TSC2: variants seen among roughly 807,000 people sequenced by gnomAD.
TSC2 encodes the protein TSC complex subunit 2.
A neutral mutation model predicts 202.2 loss-of-function variants in TSC2; 29 were observed. That is an observed-to-expected ratio of 0.14 (90% CI 0.11 to 0.20). The LOEUF (loss-of-function observed/expected upper bound fraction) is 0.20. TSC2 is among the 10% of genes least tolerant of loss of function. TSC2 has a pLI of 1.00. For synonymous variants in TSC2, 1,349 were observed against 1,044.0 expected (o/e 1.29, Z -5.63); for missense variants, 2,429 against 2,420.0 (o/e 1.00, Z -0.08).
At chr16:2,086,995 T>C (rs1003860254) in intron 38 of TSC2, 124 bp downstream of exon 38, 23 of 1,438,298 alleles carry the variant, frequency 1.6e-5, no homozygotes, top group Non-Finnish European at 2.2e-5. Flanking sequence ...GCCGCAGTGC[T>C]CAGGGCCCCG....
At position 2,088,637 on chromosome 16, in the gene TSC2, C is replaced by A; in HGVS notation, c.*27C>A. Reference sequence around the variant, plus strand: ...GCCGGGGCCCTCCCTCCTGCACTGGCCTTGGACGGTATTGCCTGTCAGTGA... The same window carrying A: ...GCCGGGGCCCTCCCTCCTGCACTGGACTTGGACGGTATTGCCTGTCAGTGA... On this transcript the variant is annotated 3_prime_UTR_variant, in exon 42 of 42. Coordinates refer to ENST00000219476, the MANE Select transcript of TSC2 (RefSeq NM_000548.5). 7 of 1,592,524 alleles carry A rather than the reference C, an allele frequency of 4.4e-6. No individual in the cohort carries two copies. The highest frequency in any genetic ancestry group is 1.7e-5 in the Admixed American group (1 of 58,756).
intron 7 of TSC2, 37 bp from the exon 8 acceptor site, chr16:2,056,607 G>C (rs1274760773): frequency 6.2e-7 from 1 of 1,603,630 alleles, no homozygotes; most frequent in Non-Finnish European, 8.5e-7. Flanking sequence ...GGAGGAGCTG[G>C]GGTAGGACGG....
intron 36 of TSC2, among the ~76,000 whole-genome samples, 155 bp from the exon 37 acceptor site, chr16:2,086,038 G>A (rs1596435906): frequency 6.6e-6 from 1 of 152,280 alleles, no homozygotes; most frequent in South Asian, 2.1e-4. Flanking sequence ...GATGACACCC[G>A]ATGTCTGGCC....
chr16:2,072,226 C>G lies in TSC2; in HGVS notation c.2098-15C>G. 1 of 1,613,918 alleles carries G rather than the reference C, an allele frequency of 6.2e-7. No homozygotes were observed. The highest frequency in any genetic ancestry group is 1.3e-5 in the African/African-American group (1 of 75,078). ...GGTCCAGAAGGCCCTGTCCTGACGC[C>G]TCCTCTCCTCGCAGGAGTCTGACTG... On this transcript the variant is annotated splice_polypyrimidine_tract_variant and intron_variant, in intron 19 of 41. Transcript: ENST00000219476.
chr16:2,050,598 CTTTTT>C (rs554452830), intron 3 of TSC2, 112 bp downstream of exon 3: 245 of 476,332 alleles, frequency 5.1e-4, no homozygotes, highest in East Asian at 6.6e-4. Flanking sequence ...CTGGTTTGCA[CTTTTT>C]TTTTTTTTTT....
intron 14 of TSC2, chr16:2,063,290 C>T (rs917856341): frequency 6.6e-6 from 4 of 607,420 alleles, no homozygotes; most frequent in Non-Finnish European, 1.2e-5. Context: ...ACAGTGCCTG[C>T]CCTCAGGGAG....
intron 4 of TSC2, chr16:2,053,903 C>T: frequency 2.2e-6 from 1 of 447,310 alleles, no homozygotes. Context: ...CCTTCATGTC[C>T]CAGCTGCTCA....
In TSC2 at chr16:2,071,374, T is replaced by C. The variant is rs113749674; in HGVS notation, c.1840-136T>C. Reference sequence around the variant, plus strand: ...GACAGAGCCTGTGTCTGTGTTGGGATGTGGGTGTGTGCACATCAGCAGGTG... The same window carrying C: ...GACAGAGCCTGTGTCTGTGTTGGGACGTGGGTGTGTGCACATCAGCAGGTG... On this transcript the variant is annotated intron_variant, in intron 17 of 41. Coordinates refer to ENST00000219476, the MANE Select transcript of TSC2 (RefSeq NM_000548.5). 3.9e-3 allele frequency: 3,096 copies of C among 795,088 alleles called. 72 individuals carry two copies. In the African/African-American group the frequency reaches 0.046, roughly 12 times the overall value. 49.3% of individuals were successfully genotyped at this position (795,088 alleles called of 1,614,324 possible). A position where few individuals can be genotyped will look rare whatever the true frequency, so the allele number is the denominator to read the frequency against.
chr16:2,050,596 C>CA, intron 3 of TSC2, 110 bp downstream of exon 3: 116 of 712,836 alleles, frequency 1.6e-4, no homozygotes, highest in Non-Finnish European at 2.3e-4. Flanking sequence ...ATCTGGTTTG[C>CA]ACTTTTTTTT....
At position 2,084,545 on chromosome 16, in the gene TSC2, C is replaced by G. The variant is rs536527623; in HGVS notation, c.4323C>G (p.Pro1441=). Reference sequence around the variant, plus strand: ...CGGGCGAAGACAGTCGGGGCCAGCCCGAGGGTCCCTTGCCTTCCAGCTCCC... The same window carrying G: ...CGGGCGAAGACAGTCGGGGCCAGCCGGAGGGTCCCTTGCCTTCCAGCTCCC... ...SASGEDSRGQ[P]EGPLPSSSPR... The change falls in exon 34 of 42, where the codon CCC becomes CCG. Residue 1441 remains proline (P), a synonymous_variant. Transcript: ENST00000219476. The G allele has an allele frequency of 9.9e-6, 16 of 1,609,254 alleles. No homozygotes were observed. The highest frequency in any genetic ancestry group is 1.4e-5 in the Non-Finnish European group (16 of 1,179,412).
At position 2,084,570 on chromosome 16, in the gene TSC2, C is replaced by T. The variant is rs376381196; in HGVS notation, c.4348C>T (p.Pro1450Ser). 6.2e-7 allele frequency: 1 copy of T among 1,607,644 alleles called. No individual in the cohort carries two copies. Residue 1450 changes from proline to serine, a missense_variant, in exon 34 of 42, where the codon CCC becomes TCC. By Grantham distance (74) the Pro-to-Ser change is moderately conservative (BLOSUM62 -1). Transcript: ENST00000219476. The part of the protein sequence containing the change: ...QPEGPLPSSS[P>S]RSPSGLRPRG... ...CGAGGGTCCCTTGCCTTCCAGCTCC[C>T]CCCGCTCGCCCAGTGGCCTCCGGCC...
rs1171556696 is a variant in TSC2, at chr16:2,088,489, T to A, written c.5303T>A (p.Val1768Glu). The A allele has an allele frequency of 6.2e-7, 1 of 1,612,788 alleles. No individual in the cohort carries two copies. The highest frequency in any genetic ancestry group is 8.5e-7 in the Non-Finnish European group (1 of 1,179,990). Reference protein sequence around the residue: ...AAYSNPSLPLVHPPSHSKAPA... With the variant: ...AAYSNPSLPLEHPPSHSKAPA... Reference sequence around the variant, plus strand: ...TACTCCAACCCCAGCCTACCTCTGGTGCACCCTCCGTCCCATAGCAAAGCC... The same window carrying A: ...TACTCCAACCCCAGCCTACCTCTGGAGCACCCTCCGTCCCATAGCAAAGCC... The change falls in exon 42 of 42, where the codon GTG becomes GAG. Residue 1768 changes from valine to glutamate, a missense_variant. Physicochemically the swap from Val to Glu is moderately radical, Grantham distance 121. Transcript: ENST00000219476.
intron 22 of TSC2, chr16:2,074,809 A>G: frequency 3.3e-6 from 1 of 299,008 alleles, no homozygotes; most frequent in Non-Finnish European, 6.6e-6. Flanking sequence ...AGATGGCAGA[A>G]GGGCACTGCT....
intron 2 of TSC2, 111 bp downstream of exon 2, chr16:2,048,864 G>C (rs996763666): frequency 3.8e-5 from 57 of 1,485,964 alleles, no homozygotes; most frequent in Non-Finnish European, 2.6e-5. Context: ...TGTCTACACA[G>C]GAATGCTGTC....
intron 5 of TSC2, 175 bp downstream of exon 5, chr16:2,054,615 A>C: frequency 1.1e-6 from 1 of 916,410 alleles, no homozygotes; most frequent in Non-Finnish European, 1.7e-6. Context: ...CCCCTGAGGC[A>C]CGTGTTAAAA....
intron 5 of TSC2, 57 bp from the exon 6 acceptor site, chr16:2,055,345 G>A (rs1002365344): frequency 4.4e-6 from 6 of 1,351,634 alleles, no homozygotes; most frequent in Non-Finnish European, 6.4e-6. Context: ...GGGAGGGGGA[G>A]GTGAGTGGGA....
intron 30 of TSC2, chr16:2,080,865 G>A (rs1019926043): frequency 2.3e-5 from 4 of 173,192 alleles, no homozygotes; most frequent in Admixed American, 1.1e-4. Flanking sequence ...GGCCTGTGGC[G>A]AACCAAGTGA....
chr16:2,053,263 C>T, intron 3 of TSC2, 79 bp from the exon 4 acceptor site: 2 of 1,424,338 alleles, frequency 1.4e-6, no homozygotes, highest in Non-Finnish European at 1.9e-6. Context: ...CTGTCCTCCG[C>T]TCACGGCACT....
Position 2,076,090 on chromosome 16 carries a change from C to T in TSC2, c.2662C>T (p.Leu888=), listed in dbSNP as rs765057258. 7 of 1,614,016 alleles carry T rather than the reference C, an allele frequency of 4.3e-6. No homozygotes were observed. In the East Asian group the frequency reaches 6.7e-5, roughly 15 times the overall value. The part of the protein sequence containing the change: ...PSKFNQYIVC[L]AHHVIAMWFI... ...CAGGTTTAATCAGTACATCGTGTGTCTGGCCCATCACGTCATAGCCATGTG... is the reference window on the plus strand; with the variant it reads ...CAGGTTTAATCAGTACATCGTGTGTTTGGCCCATCACGTCATAGCCATGTG... The change falls in exon 24 of 42, where the codon CTG becomes TTG. Residue 888 remains leucine, a synonymous_variant. Transcript: ENST00000219476.
Sources: gnomAD v4.1 joint callset for allele counts (sites outside exome capture counted in the v4.1 genomes callset) on GRCh38, gnomAD v4.1.1 for gene constraint, MANE v1.5 for transcripts, NCBI Gene and HGNC (gene_info 2026-07-23, HGNC 2026-07-21) for gene names.